The following PLCB4 variants were observed in gnomAD, a reference collection of about 807,000 sequenced individuals.
PLCB4 encodes phospholipase C beta 4, also known as 1-phosphatidylinositol 4,5-bisphosphate phosphodiesterase beta-4.
A neutral mutation model predicts 178.8 loss-of-function variants in PLCB4; 77 were observed. That is an observed-to-expected ratio of 0.43 (90% CI 0.36 to 0.52). The LOEUF is 0.52. Among genes scored for constraint, PLCB4 ranks in the 20% least tolerant of loss-of-function variants. PLCB4 has a pLI of 0.00. For synonymous variants in PLCB4, 496 were observed against 490.8 expected, an observed-to-expected ratio of 1.01 and a Z score of -0.14; for missense variants, 1,024 against 1,453.4, an observed-to-expected ratio of 0.70 and a Z score of 4.80.
chr20:9,430,535 A>G (rs2041324828), intron 28 of PLCB4, among the ~76,000 whole-genome samples: 1 of 152,276 alleles, frequency 6.6e-6, no homozygotes, highest in South Asian at 2.1e-4. Context: ...AGGATCTGGC[A>G]TCATATGTCC....
At chr20:9,114,347 G>A (rs1432780820) in intron 2 of PLCB4, among the ~76,000 whole-genome samples, 1 of 152,084 alleles carries the variant, frequency 6.6e-6, no homozygotes, top group Non-Finnish European at 1.5e-5. Flanking sequence ...GACAAAGTAA[G>A]ATGATGGCAA....
intron 2 of PLCB4, among the ~76,000 whole-genome samples, chr20:9,110,862 AT>A (rs1253578734): frequency 6.6e-6 from 1 of 152,096 alleles, no homozygotes; most frequent in Non-Finnish European, 1.5e-5. Context: ...GTTATAGAAA[AT>A]TTGGAAAATT....
At chr20:9,206,922 G>C (rs529904018) in intron 2 of PLCB4, among the ~76,000 whole-genome samples, 26 of 152,230 alleles carry the variant, frequency 1.7e-4, no homozygotes, top group Admixed American at 1.6e-3. Flanking sequence ...TTCGAGACCA[G>C]CTTAGCCAAT....
intron 3 of PLCB4, among the ~76,000 whole-genome samples, chr20:9,295,536 A>G (rs2094623902): frequency 6.6e-6 from 1 of 152,136 alleles, no homozygotes; most frequent in South Asian, 2.1e-4. Flanking sequence ...TGCTGCCCTT[A>G]GTAAGAACAG....
intron 3 of PLCB4, among the ~76,000 whole-genome samples, chr20:9,278,456 G>C (rs1003072143): frequency 1.3e-5 from 2 of 152,022 alleles, no homozygotes; most frequent in South Asian, 2.1e-4. Flanking sequence ...TTCTACTCAA[G>C]AGAAGCACAG....
intron 2 of PLCB4, among the ~76,000 whole-genome samples, chr20:9,192,715 T>A (rs1003135091): frequency 6.6e-6 from 1 of 151,294 alleles, no homozygotes; most frequent in Non-Finnish European, 1.5e-5. Context: ...GTCAGGAGTC[T>A]GAGGTGGGAG....
At chr20:9,432,838 A>C (rs982488806) in intron 28 of PLCB4, among the ~76,000 whole-genome samples, 2 of 152,218 alleles carry the variant, frequency 1.3e-5, no homozygotes, top group Non-Finnish European at 2.9e-5. Context: ...ATGAATTGGC[A>C]TCAGAGGAGT....
At chr20:9,367,294 G>A (rs1207047055) in intron 9 of PLCB4, among the ~76,000 whole-genome samples, 1 of 152,036 alleles carries the variant, frequency 6.6e-6, no homozygotes, top group Non-Finnish European at 1.5e-5. Context: ...CTTTATTGAG[G>A]GCTTGTTGAG....
chr20:9,321,971 A>C (rs1486088356), intron 4 of PLCB4, among the ~76,000 whole-genome samples: 2 of 118,056 alleles, frequency 1.7e-5, no homozygotes, highest in African/African-American at 3.6e-5. Flanking sequence ...TTTTTGATAC[A>C]GGACCTCACT....
At chr20:9,229,854 C>T (rs914267712) in intron 3 of PLCB4, among the ~76,000 whole-genome samples, 1 of 152,132 alleles carries the variant, frequency 6.6e-6, no homozygotes, top group Non-Finnish European at 1.5e-5. Flanking sequence ...TCTCCCTCCC[C>T]CTACTTCCTG....
At chr20:9,435,315 A>T (rs1216845069) in intron 28 of PLCB4, among the ~76,000 whole-genome samples, 2 of 152,252 alleles carry the variant, frequency 1.3e-5, no homozygotes, top group African/African-American at 2.4e-5. Flanking sequence ...CCTTCATATC[A>T]GGAAAAACTT....
chr20:9,408,096 T>G (rs377578921), intron 22 of PLCB4, 38 bp downstream of exon 22: 3 of 1,560,882 alleles, frequency 1.9e-6, no homozygotes, highest in Non-Finnish European at 2.6e-6. Flanking sequence ...CTTTTTTGCT[T>G]GATTTTCTTT....
intron 4 of PLCB4, among the ~76,000 whole-genome samples, chr20:9,320,785 A>G (rs1190011638): frequency 6.6e-6 from 1 of 152,224 alleles, no homozygotes; most frequent in Non-Finnish European, 1.5e-5. Context: ...TGGATCTCCA[A>G]GTATGGTTTC....
intron 12 of PLCB4, among the ~76,000 whole-genome samples, chr20:9,375,297 A>G (rs751576638): frequency 1.3e-5 from 2 of 152,126 alleles, no homozygotes; most frequent in Non-Finnish European, 2.9e-5. Flanking sequence ...TTCAATACTC[A>G]TAACAAAAGG....
intron 2 of PLCB4, among the ~76,000 whole-genome samples, chr20:9,172,854 G>T (rs1568890385): frequency 6.6e-6 from 1 of 152,134 alleles, no homozygotes; most frequent in Non-Finnish European, 1.5e-5. Flanking sequence ...ACTTCCATAT[G>T]TCTGGCCATG....
At chr20:9,256,577 A>G (rs1210039583) in intron 3 of PLCB4, among the ~76,000 whole-genome samples, 1 of 152,152 alleles carries the variant, frequency 6.6e-6, no homozygotes, top group East Asian at 1.9e-4. Context: ...AGGAGAAAGG[A>G]TGTTGGGTGG....
chr20:9,386,912 G>A (rs1382167849), intron 14 of PLCB4, among the ~76,000 whole-genome samples: 1 of 143,112 alleles, frequency 7.0e-6, no homozygotes, highest in African/African-American at 2.6e-5. Context: ...TTTTTAATTG[G>A]GACAGAGTCT....
chr20:9,431,532 C>G (rs2041396488), intron 28 of PLCB4, among the ~76,000 whole-genome samples: 1 of 152,020 alleles, frequency 6.6e-6, no homozygotes, highest in Admixed American at 6.6e-5. Context: ...GTGGCATGAT[C>G]TCAGCTTACT....
chr20:9,478,398 A>C (rs1055288004), intron 39 of PLCB4, among the ~76,000 whole-genome samples: 1 of 152,200 alleles, frequency 6.6e-6, no homozygotes, highest in African/African-American at 2.4e-5. Flanking sequence ...CAGCCAATCC[A>C]ATGTAATATG....
Sources: gnomAD v4.1 joint callset for allele counts (sites outside exome capture counted in the v4.1 genomes callset) on GRCh38, gnomAD v4.1.1 for gene constraint, MANE v1.5 for transcripts, NCBI Gene and HGNC (gene_info 2026-07-23, HGNC 2026-07-21) for gene names.